CLINT1: variants seen among roughly 807,000 people sequenced by gnomAD.
CLINT1 encodes clathrin interacting protein localized in the trans-Golgi region.
In CLINT1, 15 loss-of-function variants were observed where a neutral mutation model predicts 70.4. The observed-to-expected ratio is 0.21, with a 90% confidence interval of 0.14 to 0.33. CLINT1 has a LOEUF of 0.33. Ranked by LOEUF, CLINT1 falls within the 10% of genes least tolerant of loss-of-function variation. The pLI is 1.00. For synonymous variants in CLINT1, 227 were observed against 254.7 expected, an observed-to-expected ratio of 0.89 and a Z score of 1.04; for missense variants, 615 against 778.1, an observed-to-expected ratio of 0.79 and a Z score of 2.49.
At chr5:157,846,108 A>T (rs1753367746) in intron 1 of CLINT1, among the ~76,000 whole-genome samples, 1 of 152,082 alleles carries the variant, frequency 6.6e-6, no homozygotes, top group Non-Finnish European at 1.5e-5. Flanking sequence ...CCCTACAATG[A>T]CCTCTAAGTG....
chr5:157,856,868 G>A lies in CLINT1; in HGVS notation c.41+2062C>T, dbSNP rs369759237. Reference sequence around the variant, plus strand: ...TTTTTCAACAATAGCTTTTCCTTTAGATAACTACTTACATGGCAAATTTAA... The same window carrying A: ...TTTTTCAACAATAGCTTTTCCTTTAAATAACTACTTACATGGCAAATTTAA... On this transcript the variant is annotated intron_variant, in intron 1 of 11. Transcript: ENST00000411809. Among the ~76,000 whole-genome samples the A allele has an allele frequency of 1.6e-3, 250 of 152,198 alleles. 2 individuals are homozygous for A. Among genetic ancestry groups the A allele is most frequent in the African/African-American group, 5.6e-3 (234 of 41,530 alleles).
intron 1 of CLINT1, among the ~76,000 whole-genome samples, chr5:157,845,559 T>A (rs1180198193): frequency 2.0e-5 from 3 of 150,414 alleles, no homozygotes; most frequent in African/African-American, 4.9e-5. Flanking sequence ...TAGTATTTTT[T>A]TTTTTTTTTT....
intron 5 of CLINT1, 82 bp downstream of exon 5, chr5:157,812,981 G>A: frequency 2.9e-6 from 4 of 1,361,760 alleles, no homozygotes; most frequent in Non-Finnish European, 4.0e-6. Context: ...TAGCATTTTG[G>A]TCTTTGGTAT....
chr5:157,806,378 A>G (rs188823381), intron 6 of CLINT1, among the ~76,000 whole-genome samples: 1 of 150,460 alleles, frequency 6.6e-6, no homozygotes, highest in Admixed American at 6.6e-5. Flanking sequence ...GTATAAATAA[A>G]AAATGTCAAA....
intron 1 of CLINT1, among the ~76,000 whole-genome samples, chr5:157,823,238 C>A (rs1185559025): frequency 6.6e-6 from 1 of 152,070 alleles, no homozygotes; most frequent in Non-Finnish European, 1.5e-5. Context: ...TAGTTCCAAG[C>A]AACAGTTTTA....
intron 1 of CLINT1, among the ~76,000 whole-genome samples, chr5:157,850,701 G>A (rs1324023596): frequency 1.3e-5 from 2 of 150,028 alleles, no homozygotes; most frequent in Non-Finnish European, 3.0e-5. Flanking sequence ...TATAACCTAA[G>A]TCACTTTAAA....
At chr5:157,804,784 G>A (rs1007565238) in intron 7 of CLINT1, among the ~76,000 whole-genome samples, 9 of 151,948 alleles carry the variant, frequency 5.9e-5, no homozygotes, top group Non-Finnish European at 1.2e-4. Context: ...AAAATTAGCC[G>A]GGCATGGTGG....
chr5:157,811,466 G>A (rs1433703288), intron 5 of CLINT1, among the ~76,000 whole-genome samples: 2 of 151,416 alleles, frequency 1.3e-5, no homozygotes, highest in Non-Finnish European at 2.9e-5. Context: ...CCGGGAGGCG[G>A]AGGTTGCAGT....
intron 1 of CLINT1, among the ~76,000 whole-genome samples, chr5:157,828,159 T>TTA (rs1322898073): frequency 2.6e-5 from 4 of 152,176 alleles, no homozygotes; most frequent in Non-Finnish European, 5.9e-5. Context: ...GCTGCTGCTA[T>TTA]TATGACCTGG....
rs767710316 is a variant in CLINT1, at chr5:157,789,374, A to C, written c.1520T>G (p.Ile507Ser). 3.7e-6 allele frequency: 6 copies of C among 1,613,958 alleles called. No homozygotes were observed. Among genetic ancestry groups the C allele is most frequent in the Non-Finnish European group, 5.1e-6 (6 of 1,179,854 alleles). The change falls in exon 11 of 12, where the codon ATT becomes AGT. Residue 507 changes from isoleucine to serine, a missense_variant. Physicochemically the swap from Ile to Ser is moderately radical, Grantham distance 142. This residue lies in a region of CLINT1 where 374 missense variants were observed against 409.6 expected (regional missense o/e 0.91). Transcript: ENST00000411809. ...KPQQPSLNTMIQQQNMQQPMN... is the reference protein window; with the variant it reads ...KPQQPSLNTMSQQQNMQQPMN... ...TTAAGGTAACTTACTCTGTTGCTGAATCATTGTATTCAGTGATGGCTGCTG... is the reference window on the plus strand; with the variant it reads ...TTAAGGTAACTTACTCTGTTGCTGACTCATTGTATTCAGTGATGGCTGCTG...
At chr5:157,808,873 A>G (rs1473219595) in intron 6 of CLINT1, among the ~76,000 whole-genome samples, 2 of 152,082 alleles carry the variant, frequency 1.3e-5, no homozygotes, top group African/African-American at 4.8e-5. Flanking sequence ...TAATATATAA[A>G]CTTCATTATC....
intron 6 of CLINT1, among the ~76,000 whole-genome samples, chr5:157,806,963 GGAGAGAGAGAGAGA>G (rs3836885): frequency 1.0e-3 from 147 of 145,956 alleles, no homozygotes; most frequent in Middle Eastern, 3.5e-3. Context: ...GATGTAAGTA[GGAGAGAGAGAGAGA>G]GAGAGAGAGA....
chr5:157,812,892 GGAA>G (rs1762606098), intron 5 of CLINT1, among the ~76,000 whole-genome samples, 168 bp downstream of exon 5: 4 of 152,136 alleles, frequency 2.6e-5, no homozygotes, highest in Admixed American at 2.6e-4. Flanking sequence ...GTTAAAAATA[GGAA>G]GATTCATGTG....
At chr5:157,845,275 G>A (rs1207291587) in intron 1 of CLINT1, among the ~76,000 whole-genome samples, 1 of 152,016 alleles carries the variant, frequency 6.6e-6, no homozygotes, top group Non-Finnish European at 1.5e-5. Flanking sequence ...CTTGAACCTG[G>A]GAGGTGGAGG....
intron 6 of CLINT1, 77 bp downstream of exon 6, chr5:157,809,551 C>T: frequency 7.9e-7 from 1 of 1,264,622 alleles, no homozygotes; most frequent in Non-Finnish European, 1.1e-6. Context: ...CAAACAAAAC[C>T]AACAAAAAAC....
chr5:157,838,810 A>T (rs1763520220), intron 1 of CLINT1, among the ~76,000 whole-genome samples: 1 of 152,228 alleles, frequency 6.6e-6, no homozygotes, highest in South Asian at 2.1e-4. Context: ...CAATACATAC[A>T]CTTGTGTGGC....
At position 157,789,323 on chromosome 5, in the gene CLINT1, G is replaced by A. The variant is rs376261549; in HGVS notation, c.1531+40C>T. ...AGTCCTGGCATTAAGGCAAAAGACT[G>A]CAAGTACACAAAGAAGTGGGACGTC... On this transcript the variant is annotated intron_variant, in intron 11 of 11. Coordinates refer to ENST00000411809, the MANE Select transcript of CLINT1 (RefSeq NM_014666.4). The A allele has an allele frequency of 1.6e-5, 25 of 1,558,396 alleles. No homozygotes were observed. In the African/African-American group the frequency reaches 2.8e-4, roughly 18 times the overall value.
chr5:157,853,619 T>C (rs1328851707), intron 1 of CLINT1, among the ~76,000 whole-genome samples: 1 of 145,512 alleles, frequency 6.9e-6, no homozygotes, highest in East Asian at 2.1e-4. Context: ...TCTACTAAAA[T>C]TACAAAAATT....
intron 1 of CLINT1, among the ~76,000 whole-genome samples, chr5:157,841,894 G>A (rs184512219): frequency 7.2e-5 from 11 of 152,276 alleles, no homozygotes; most frequent in Admixed American, 6.5e-4. Context: ...GCCTCCAAAA[G>A]TGCTAGGATT....
Sources: allele counts gnomAD v4.1 joint callset (sites outside exome capture counted in the v4.1 genomes callset), GRCh38; gene constraint gnomAD v4.1.1; regional missense constraint gnomAD v4.1.1; transcripts MANE v1.5; gene names NCBI Gene and HGNC (gene_info 2026-07-23, HGNC 2026-07-21).